Variants in ATE1 observed in about 807,000 individuals in gnomAD.
The protein encoded by ATE1 is arginyl-tRNA--protein transferase 1.
A neutral mutation model predicts 70.5 loss-of-function variants in ATE1; 36 were observed. That is an observed-to-expected ratio of 0.51 (90% CI 0.39 to 0.67). ATE1 has a LOEUF of 0.67. ATE1 is among the 30% of genes least tolerant of loss of function. The pLI is 0.00. For missense variants in ATE1, 593 were observed against 629.5 expected, an observed-to-expected ratio of 0.94 and a Z score of 0.62; for synonymous variants, 232 against 219.3, an observed-to-expected ratio of 1.06 and a Z score of -0.51.
At chr10:121,886,325 G>A (rs1472157798) in intron 7 of ATE1, among the ~76,000 whole-genome samples, 1 of 151,102 alleles carries the variant, frequency 6.6e-6, no homozygotes, top group African/African-American at 2.4e-5. Context: ...TCCTGGCCAG[G>A]GCTACTGTCT....
chr10:121,814,781 A>G (rs996933894), intron 10 of ATE1, among the ~76,000 whole-genome samples: 3 of 152,188 alleles, frequency 2.0e-5, no homozygotes, highest in African/African-American at 2.4e-5. Flanking sequence ...ATACTAGGCA[A>G]CAATTTCTAA....
At chr10:121,873,483 C>T (rs1459734297) in intron 7 of ATE1, among the ~76,000 whole-genome samples, 2 of 152,098 alleles carry the variant, frequency 1.3e-5, no homozygotes, top group African/African-American at 4.8e-5. Context: ...CTTTCTCATT[C>T]CCGCCAAAGA....
intron 10 of ATE1, among the ~76,000 whole-genome samples, chr10:121,791,665 T>C (rs981371191): frequency 3.3e-5 from 5 of 152,232 alleles, no homozygotes; most frequent in African/African-American, 1.2e-4. Context: ...CTACAACCCA[T>C]AGTACAAAAT....
At chr10:121,887,850 T>C (rs1014659366) in intron 7 of ATE1, among the ~76,000 whole-genome samples, 3 of 152,224 alleles carry the variant, frequency 2.0e-5, no homozygotes, top group African/African-American at 7.2e-5. Flanking sequence ...AGAAATCTCT[T>C]CTTTACAGAG....
At chr10:121,811,477 T>C (rs566963440) in intron 10 of ATE1, among the ~76,000 whole-genome samples, 12 of 152,346 alleles carry the variant, frequency 7.9e-5, no homozygotes, top group Admixed American at 2.6e-4. Context: ...TTTTGAATAT[T>C]TGGCTATTAA....
intron 5 of ATE1, among the ~76,000 whole-genome samples, chr10:121,910,575 A>G (rs750411977): frequency 1.3e-5 from 2 of 152,210 alleles, no homozygotes; most frequent in Non-Finnish European, 2.9e-5. Flanking sequence ...GTCTCACTTA[A>G]TGTTAAAATA....
intron 8 of ATE1, among the ~76,000 whole-genome samples, chr10:121,854,829 C>T (rs1330080099): frequency 2.6e-5 from 4 of 152,110 alleles, no homozygotes; most frequent in South Asian, 2.1e-4. Flanking sequence ...GAAAGCAAGG[C>T]CCAATACAGA....
chr10:121,746,038 C>T (rs1299501454), intron 11 of ATE1, among the ~76,000 whole-genome samples: 3 of 152,074 alleles, frequency 2.0e-5, no homozygotes, highest in Non-Finnish European at 2.9e-5. Context: ...GTTAATAGAA[C>T]GTATTGCTAA....
At chr10:121,910,836 C>T in intron 5 of ATE1, 70 bp downstream of exon 5, 1 of 1,602,996 alleles carries the variant, frequency 6.2e-7, no homozygotes, top group Non-Finnish European at 8.5e-7. Context: ...GATGGAAAGA[C>T]CCAGGGTTTA....
chr10:121,808,183 C>A (rs1055164772), intron 10 of ATE1, among the ~76,000 whole-genome samples: 1 of 152,112 alleles, frequency 6.6e-6, no homozygotes, highest in Non-Finnish European at 1.5e-5. Context: ...TGTAGATGTA[C>A]GAATGTTTCT....
intron 7 of ATE1, among the ~76,000 whole-genome samples, chr10:121,891,281 C>G (rs540744952): frequency 6.6e-5 from 10 of 152,024 alleles, no homozygotes; most frequent in African/African-American, 2.4e-4. Context: ...AAAGACTGAC[C>G]CTCCCACCCT....
rs1176688904 is a variant in ATE1 at position 121,889,771 on chromosome 10, C to CAT, written c.942+10094_942+10095insAT. ...AAGGCTGCAGTGAACTATGACCATG[C>CAT]TACTGTACTCCAGCCTGGGTGACCG... On this transcript the variant is annotated intron_variant, in intron 7 of 11. Coordinates refer to ENST00000224652, the MANE Select transcript of ATE1 (RefSeq NM_001001976.3). 3.3e-5 allele frequency among the ~76,000 whole-genome samples: 5 copies of CAT among 151,854 alleles called. No homozygotes were observed. In the East Asian group the frequency reaches 9.7e-4, roughly 29 times the overall value.
chr10:121,905,152 A>G (rs934902514), intron 5 of ATE1, among the ~76,000 whole-genome samples: 1 of 152,164 alleles, frequency 6.6e-6, no homozygotes, highest in Admixed American at 6.5e-5. Context: ...AAAAACAAAA[A>G]CCAGTCCTAC....
At chr10:121,839,106 A>G (rs1382340551) in intron 9 of ATE1, among the ~76,000 whole-genome samples, 1 of 152,154 alleles carries the variant, frequency 6.6e-6, no homozygotes, top group Non-Finnish European at 1.5e-5. Context: ...GAGCACCAAA[A>G]GGAAGTGACA....
At position 121,743,622 on chromosome 10, in the gene ATE1, T is replaced by C. The variant is rs377706344; in HGVS notation, c.*58A>G. The C allele has an allele frequency of 1.0e-5, 15 of 1,497,774 alleles. No homozygotes were observed. Among genetic ancestry groups the C allele is most frequent in the South Asian group, 1.4e-5 (1 of 71,836 alleles). The allele number at this position is 1,497,774 out of a possible 1,614,324, so 92.8% of individuals were successfully genotyped here. A position where few individuals can be genotyped will look rare whatever the true frequency, so the allele number is the denominator to read the frequency against. On this transcript the variant is annotated 3_prime_UTR_variant, in exon 12 of 12. Coordinates refer to ENST00000224652, the MANE Select transcript of ATE1 (RefSeq NM_001001976.3). ...GTTATTTCCCCACAGGTACTGAATATGTATCCTGGCACAAATCATCAGCAC... is the reference window on the plus strand; with the variant it reads ...GTTATTTCCCCACAGGTACTGAATACGTATCCTGGCACAAATCATCAGCAC...
chr10:121,835,990 G>A (rs1315831920), intron 10 of ATE1, among the ~76,000 whole-genome samples: 2 of 152,074 alleles, frequency 1.3e-5, no homozygotes, highest in South Asian at 2.1e-4. Context: ...TGACTCCCAG[G>A]TGCCTAATTT....
At chr10:121,777,151 T>C (rs767975669) in intron 11 of ATE1, among the ~76,000 whole-genome samples, 1 of 152,252 alleles carries the variant, frequency 6.6e-6, no homozygotes, top group Non-Finnish European at 1.5e-5. Context: ...AGAAGTTGTG[T>C]TCTGCCTAGT....
intron 1 of ATE1, among the ~76,000 whole-genome samples, chr10:121,926,575 CTT>C (rs1261177981): frequency 2.0e-5 from 3 of 152,112 alleles, no homozygotes; most frequent in African/African-American, 7.2e-5. Flanking sequence ...CCAATTTTCT[CTT>C]ATCACAATTA....
chr10:121,902,538 C>G lies in ATE1; in HGVS notation c.666G>C (p.Gln222His), dbSNP rs752391685. Residue 222 changes from glutamine to histidine, a missense_variant, in exon 6 of 12, where the codon CAG becomes CAC. Around this residue, in one of 3 missense-constraint regions of ATE1, gnomAD observed 467 missense variants for 469.6 expected, o/e 0.99. Transcript: ENST00000224652. The part of the protein sequence containing the change: ...RKERKRLKLM[Q>H]QNPAGELEGF... ...CCTCAAGTTCTCCAGCTGGGTTCTG[C>G]TGCATTAGTTTTAACCTTTTCCTTT... The G allele has an allele frequency of 3.7e-6, 6 of 1,614,196 alleles. No homozygotes were observed. In the Admixed American group the frequency reaches 1.0e-4, roughly 27 times the overall value.
Sources: gnomAD v4.1 joint callset for allele counts (sites outside exome capture counted in the v4.1 genomes callset) on GRCh38, gnomAD v4.1.1 for gene constraint, gnomAD v4.1.1 regional missense constraint, MANE v1.5 for transcripts, NCBI Gene and HGNC (gene_info 2026-07-23, HGNC 2026-07-21) for gene names.